Variants in ESS2 observed in about 807,000 individuals in gnomAD.
ESS2 encodes splicing factor ESS-2 homolog.
A neutral mutation model predicts 52.0 loss-of-function variants in ESS2; 31 were observed. That is an observed-to-expected ratio of 0.60 (90% CI 0.45 to 0.81). The LOEUF (loss-of-function observed/expected upper bound fraction) is 0.81, where lower values mean the gene tolerates loss of function less well. Ranked by LOEUF, ESS2 falls within the 30% of genes least tolerant of loss-of-function variation. The pLI is 0.00. For synonymous variants in ESS2, 285 were observed against 259.2 expected, an observed-to-expected ratio of 1.10 and a Z score of -0.95; for missense variants, 602 against 637.2, an observed-to-expected ratio of 0.94 and a Z score of 0.59.
rs376847235 is a variant in ESS2, at chr22:19,132,386, C to T, written c.*1810G>A. 5.1e-5 allele frequency: 82 copies of T among 1,612,982 alleles called. No homozygotes were observed. Among genetic ancestry groups the T allele is most frequent in the Non-Finnish European group, 6.3e-5 (74 of 1,180,024 alleles). On this transcript the variant is annotated 3_prime_UTR_variant, in exon 10 of 10. Transcript: ENST00000252137. The surrounding 1 kb of genome is among the most constrained non-coding windows in gnomAD (Gnocchi z 4.2). ...ACCGGCTGCTGGTGGTGCCCGAGAACGAGAACAGGATGGAGGACAGGCTGG... is the reference window on the plus strand; with the variant it reads ...ACCGGCTGCTGGTGGTGCCCGAGAATGAGAACAGGATGGAGGACAGGCTGG...
chr22:19,132,624 G>A lies in ESS2; in HGVS notation c.*1572C>T, dbSNP rs756699267. 6 of 780,580 alleles carry A rather than the reference G, an allele frequency of 7.7e-6. No homozygotes were observed. Among genetic ancestry groups the A allele is most frequent in the East Asian group, 5.0e-5 (2 of 39,814 alleles). The allele number at this position is 780,580 out of a possible 1,614,324, so 48.4% of individuals were successfully genotyped here. ...TCAATTAAACCACTATTTTGATTAC[G>A]TTCCATTAGCTTTCTTCCACTTAGC... On this transcript the variant is annotated 3_prime_UTR_variant, in exon 10 of 10. Transcript: ENST00000252137. This position sits in a 1 kb window ranked among gnomAD's most constrained non-coding sequence, Gnocchi z 4.2.
At chr22:19,137,580 T>G in intron 7 of ESS2, 148 bp from the exon 8 acceptor site, 1 of 942,886 alleles carries the variant, frequency 1.1e-6, no homozygotes, top group Non-Finnish European at 1.5e-6. Context: ...TCTGGAACCC[T>G]GGCACCTCCA....
chr22:19,142,142 G>A (rs2083697460), intron 3 of ESS2, among the ~76,000 whole-genome samples: 1 of 152,220 alleles, frequency 6.6e-6, no homozygotes, highest in South Asian at 2.1e-4. Flanking sequence ...CCTATGCAGA[G>A]ATCTACAGGA....
At chr22:19,141,056 AG>A (rs1303094994) in intron 3 of ESS2, among the ~76,000 whole-genome samples, 1 of 151,674 alleles carries the variant, frequency 6.6e-6, no homozygotes, top group Non-Finnish European at 1.5e-5. Context: ...CCAAGGTGGG[AG>A]GATCACTTGA....
At chr22:19,139,088 A>C in intron 6 of ESS2, 71 bp downstream of exon 6, 6 of 1,519,446 alleles carry the variant, frequency 3.9e-6, no homozygotes, top group Non-Finnish European at 3.5e-6. Flanking sequence ...AAGAGATGGG[A>C]GAGATCATGC....
Position 19,132,395 on chromosome 22 carries a change from G to C in ESS2, c.*1801C>G. On this transcript the variant is annotated 3_prime_UTR_variant, in exon 10 of 10. Transcript: ENST00000252137. The surrounding 1 kb of genome is among the most constrained non-coding windows in gnomAD (Gnocchi z 4.2). ...TGGTGGTGCCCGAGAACGAGAACAG[G>C]ATGGAGGACAGGCTGGCCGAGACCT... 1 of 1,613,172 alleles carries C rather than the reference G, an allele frequency of 6.2e-7. No individual in the cohort carries two copies. The highest frequency in any genetic ancestry group is 1.7e-5 in the Admixed American group (1 of 60,010).
In ESS2 at chr22:19,134,143, C is replaced by A; in HGVS notation, c.*53G>T. 6.8e-7 allele frequency: 1 copy of A among 1,465,710 alleles called. No homozygotes were observed. Among genetic ancestry groups the A allele is most frequent in the Non-Finnish European group, 9.0e-7 (1 of 1,109,260 alleles). 90.8% of individuals were successfully genotyped at this position (1,465,710 alleles called of 1,614,324 possible). ...AGGCTGGAGTCCTCTGCTGGGTGTA[C>A]AGCTGCCCTGCAGGCTCTGTGAAGC... On this transcript the variant is annotated 3_prime_UTR_variant, in exon 10 of 10. Coordinates refer to ENST00000252137, the MANE Select transcript of ESS2 (RefSeq NM_022719.3).
chr22:19,134,169 G>C lies in ESS2; in HGVS notation c.*27C>G, dbSNP rs756044387. ...AGCTGCCCTGCAGGCTCTGTGAAGC[G>C]TCTATGAGCCCAGCCCAGGCCTGGC... On this transcript the variant is annotated 3_prime_UTR_variant, in exon 10 of 10. Coordinates refer to ENST00000252137, the MANE Select transcript of ESS2 (RefSeq NM_022719.3). 2.7e-6 allele frequency: 4 copies of C among 1,489,974 alleles called. No individual in the cohort carries two copies. In the African/African-American group the frequency reaches 5.7e-5, roughly 21 times the overall value. 92.3% of individuals were successfully genotyped at this position (1,489,974 alleles called of 1,614,324 possible). A position where few individuals can be genotyped will look rare whatever the true frequency, so the allele number is the denominator to read the frequency against.
At chr22:19,140,800 CA>C (rs1157856887) in intron 3 of ESS2, among the ~76,000 whole-genome samples, 2 of 152,216 alleles carry the variant, frequency 1.3e-5, no homozygotes, top group Non-Finnish European at 2.9e-5. Context: ...GGGATGAGGA[CA>C]GGGGTCAGAA....
chr22:19,136,031 T>TAAAAAAAAAAAA (rs377121962), intron 8 of ESS2, among the ~76,000 whole-genome samples: 1 of 92,544 alleles, frequency 1.1e-5, no homozygotes, highest in East Asian at 3.1e-4. Context: ...CCCTATCTGT[T>TAAAAAAAAAAAA]AAAAAAAAAA....
At chr22:19,140,420 C>T (rs1384543933) in intron 3 of ESS2, among the ~76,000 whole-genome samples, 1 of 152,164 alleles carries the variant, frequency 6.6e-6, no homozygotes, top group South Asian at 2.1e-4. Flanking sequence ...GGGGCTCTCC[C>T]TCACTCCCTA....
chr22:19,140,789 C>T (rs551807485), intron 3 of ESS2, among the ~76,000 whole-genome samples: 61 of 152,182 alleles, frequency 4.0e-4, no homozygotes, highest in Non-Finnish European at 7.9e-4. Flanking sequence ...TCAAGACCCA[C>T]GGGATGAGGA....
At chr22:19,144,372 C>T (rs1363534142) in intron 1 of ESS2, 134 bp downstream of exon 1, 2 of 1,522,184 alleles carry the variant, frequency 1.3e-6, no homozygotes, top group African/African-American at 1.4e-5. Context: ...TTACTTGACT[C>T]GTGGGACCGT....
At chr22:19,141,001 G>C (rs1044959921) in intron 3 of ESS2, among the ~76,000 whole-genome samples, 1 of 152,008 alleles carries the variant, frequency 6.6e-6, no homozygotes, top group African/African-American at 2.4e-5. Context: ...CTGCAAACTG[G>C]CTAGGCATGA....
In ESS2 at chr22:19,142,884, G is replaced by A. The variant is rs375829121; in HGVS notation, c.146C>T (p.Thr49Met). The A allele has an allele frequency of 3.2e-5, 52 of 1,613,108 alleles. 1 individual carries two copies. The Middle Eastern group carries it at 1.3e-3, about 41-fold the overall frequency. Reference protein sequence around the residue: ...DEEEYIEGLQTVIQRDFFPDV... With the variant: ...DEEEYIEGLQMVIQRDFFPDV... ...AGGAAAGAAATCCCTTTGGATGACC[G>A]TCTGGAGGCCCTGCAAGGAGAGATC... Residue 49 changes from threonine to methionine, a missense_variant, in exon 2 of 10, where the codon ACG (threonine) becomes ATG (methionine). Transcript: ENST00000252137.
rs867886201 is a variant in ESS2, at chr22:19,130,677, G to C, written c.*3519C>G. On this transcript the variant is annotated 3_prime_UTR_variant, in exon 10 of 10. Transcript: ENST00000252137. ...CGACCCGAGATGGGTCCTGGCACTAGGAATGTAAAACCGTTCCTATTATTT... is the reference window on the plus strand; with the variant it reads ...CGACCCGAGATGGGTCCTGGCACTACGAATGTAAAACCGTTCCTATTATTT... 14 of 243,804 alleles carry C rather than the reference G, an allele frequency of 5.7e-5. No homozygotes were observed. The highest frequency in any genetic ancestry group is 2.8e-3 in the Middle Eastern group (2 of 720). 15.1% of individuals were successfully genotyped at this position (243,804 alleles called of 1,614,324 possible). A position where few individuals can be genotyped will look rare whatever the true frequency, so the allele number is the denominator to read the frequency against.
intron 2 of ESS2, 42 bp from the exon 3 acceptor site, chr22:19,142,675 GC>G (rs758325824): frequency 6.2e-6 from 10 of 1,609,848 alleles, no homozygotes; most frequent in Non-Finnish European, 7.6e-6. Context: ...TGAGCCTGAA[GC>G]GACAGTTCAG....
In ESS2 at chr22:19,130,657, C is replaced by T. The variant is rs142238941; in HGVS notation, c.*3539G>A. ...AACTTGTCTTCAGATTTTGTCGACCCGAGATGGGTCCTGGCACTAGGAATG... is the reference window on the plus strand; with the variant it reads ...AACTTGTCTTCAGATTTTGTCGACCTGAGATGGGTCCTGGCACTAGGAATG... On this transcript the variant is annotated 3_prime_UTR_variant, in exon 10 of 10. Transcript: ENST00000252137. The T allele has an allele frequency of 3.1e-4, 95 of 303,552 alleles. 1 individual carries two copies. Among genetic ancestry groups the T allele is most frequent in the African/African-American group, 1.7e-3 (74 of 44,470 alleles). 18.8% of individuals were successfully genotyped at this position (303,552 alleles called of 1,614,324 possible).
At position 19,142,832 on chromosome 22, in the gene ESS2, C is replaced by T. The variant is rs190223316; in HGVS notation, c.198G>A (p.Lys66=). 89 of 1,614,046 alleles carry T rather than the reference C, an allele frequency of 5.5e-5. No homozygotes were observed. The Admixed American group carries it at 1.4e-3, about 26-fold the overall frequency. ...FPDVEKLQAQ[K]EYLEAEENGD... ...CATTCTCCTCGGCTTCCAGGTACTC[C>T]TTCTGTGCCTGGAGCTTCTCCACAT... Residue 66 remains lysine (K), a synonymous_variant, in exon 2 of 10, where the codon AAG becomes AAA. Transcript: ENST00000252137.
Sources: gnomAD v4.1 joint callset for allele counts (sites outside exome capture counted in the v4.1 genomes callset) on GRCh38, gnomAD v4.1.1 for gene constraint, Gnocchi (gnomAD v3.1) non-coding constraint, MANE v1.5 for transcripts, NCBI Gene and HGNC (gene_info 2026-07-23, HGNC 2026-07-21) for gene names.